The following CTSE variants were observed in gnomAD, a reference collection of about 807,000 sequenced individuals.
CTSE encodes cathepsin E.
In CTSE, 43 loss-of-function variants were observed where a neutral mutation model predicts 42.8. That is an observed-to-expected ratio of 1.01 (90% CI 0.79 to 1.30). CTSE has a LOEUF of 1.30. CTSE is among the 50% of genes most tolerant of loss of function. The pLI is 0.00. For missense variants in CTSE, 532 were observed against 493.5 expected, an observed-to-expected ratio of 1.08 and a Z score of -0.74; for synonymous variants, 205 against 191.5, an observed-to-expected ratio of 1.07 and a Z score of -0.58.
At chr1:206,016,215 CTTG>C in intron 4 of CTSE, 85 bp from the exon 5 acceptor site, 1 of 1,295,172 alleles carries the variant, frequency 7.7e-7, no homozygotes, top group South Asian at 1.2e-5. Context: ...TTTCCTCTGT[CTTG>C]AAGCTAATGC....
At chr1:206,023,080 G>C (rs1333835286) in intron 1 of CTSE, 23 bp from the exon 2 acceptor site, 7 of 1,579,964 alleles carry the variant, frequency 4.4e-6, no homozygotes, top group African/African-American at 1.4e-5. Context: ...CCCCATGTAA[G>C]CAGGAGATGT....
At position 206,010,312 on chromosome 1, in the gene CTSE, G is replaced by T. The variant is rs2102263617; in HGVS notation, c.1062C>A (p.Gly354=). The T allele has an allele frequency of 1.2e-6, 2 of 1,613,780 alleles. No homozygotes were observed. The highest frequency in any genetic ancestry group is 1.7e-6 in the Non-Finnish European group (2 of 1,179,808). ...FVDGMQFCSS[G]FQGLDIHPPA... ...GAGGGTGGATGTCAAGTCCTTGAAA[G>T]CCACTGCTGCAGAACTGCATTCCAT... is the stretch of plus-strand genomic sequence containing the variant. The change falls in exon 9 of 9, where the codon GGC becomes GGA. Residue 354 remains glycine, a synonymous_variant. Coordinates refer to ENST00000358184, the MANE Select transcript of CTSE (RefSeq NM_001910.4).
intron 7 of CTSE, 32 bp downstream of exon 7, chr1:206,012,476 C>G: frequency 6.2e-7 from 1 of 1,613,916 alleles, no homozygotes; most frequent in Non-Finnish European, 8.5e-7. Flanking sequence ...CTCTCCTGTC[C>G]CCACCACTCC....
intron 4 of CTSE, 50 bp downstream of exon 4, chr1:206,020,999 G>C: frequency 7.6e-7 from 1 of 1,323,780 alleles, no homozygotes; most frequent in Non-Finnish European, 1.1e-6. Flanking sequence ...CTCTGAATAA[G>C]TCTCCCAAGT....
rs782698478 is a variant in CTSE, at chr1:206,022,167, C to A, written c.326G>T (p.Cys109Phe). 5 of 1,607,662 alleles carry A rather than the reference C, an allele frequency of 3.1e-6. No homozygotes were observed. The Admixed American group carries it at 8.4e-5, about 27-fold the overall frequency. Residue 109 changes from cysteine to phenylalanine, a missense_variant, in exon 3 of 9, where the codon TGC becomes TTC. By Grantham distance (205) the Cys-to-Phe change is radical. Coordinates refer to ENST00000358184, the MANE Select transcript of CTSE (RefSeq NM_001910.4). Reference sequence around the variant, plus strand: ...CCACTTACTGCAGGCTGGGCTAGTGCAGTACACAGAGGGGACCCAGAGGTT... The same window carrying A: ...CCACTTACTGCAGGCTGGGCTAGTGAAGTACACAGAGGGGACCCAGAGGTT... ...SSNLWVPSVY[C>F]TSPACKTHSR...
chr1:206,010,473 AT>A, intron 8 of CTSE, 126 bp from the exon 9 acceptor site: 1 of 782,040 alleles, frequency 1.3e-6, no homozygotes, highest in Non-Finnish European at 2.2e-6. Context: ...GGGTTCCACC[AT>A]TTTGGTCGGT....
At chr1:206,013,316 CGGTCATGCCTGTCTGCT>C (rs1197330169) in intron 6 of CTSE, among the ~76,000 whole-genome samples, 1 of 152,016 alleles carries the variant, frequency 6.6e-6, no homozygotes, top group Non-Finnish European at 1.5e-5. Flanking sequence ...CAGATAGAAG[CGGTCATGCCTGTCTGCT>C]GGACCACATT....
intron 1 of CTSE, among the ~76,000 whole-genome samples, chr1:206,023,282 C>A (rs1661505873): frequency 6.6e-6 from 1 of 151,880 alleles, no homozygotes; most frequent in Non-Finnish European, 1.5e-5. Flanking sequence ...GGAAATGGCT[C>A]CCCTCCTGGA....
rs782550057 is a variant in CTSE, at chr1:206,023,081, CAGG to C, written c.69-27_69-25del. On this transcript the variant is annotated intron_variant, in intron 1 of 8. Coordinates refer to ENST00000358184, the MANE Select transcript of CTSE (RefSeq NM_001910.4). ...CCCTGGAGACAAACCCCCATGTAAG[CAGG>C]AGATGTACTTCTGCCTCCCTCTTCC... The C allele has an allele frequency of 2.5e-6, 4 of 1,594,252 alleles. No individual in the cohort carries two copies. In the Admixed American group the frequency reaches 6.7e-5, roughly 27 times the overall value.
chr1:206,012,272 G>C (rs782808903), intron 8 of CTSE, 36 bp downstream of exon 8: 2 of 1,540,636 alleles, frequency 1.3e-6, no homozygotes, highest in Non-Finnish European at 1.8e-6. Context: ...TGTGGGGAGG[G>C]CCCTGTGGCC....
intron 4 of CTSE, among the ~76,000 whole-genome samples, chr1:206,019,209 TG>T (rs1661343645): frequency 6.6e-6 from 1 of 152,084 alleles, no homozygotes; most frequent in African/African-American, 2.4e-5. Context: ...TATGCAACTG[TG>T]GGTGCTAGTT....
rs1553278590 is a variant in CTSE at position 206,022,329 on chromosome 1, C to T, written c.226-62G>A. The T allele has an allele frequency of 2.5e-6, 3 of 1,221,684 alleles. No homozygotes were observed. The African/African-American group carries it at 4.5e-5, about 18-fold the overall frequency. The allele number at this position is 1,221,684 out of a possible 1,614,324, so 75.7% of individuals were successfully genotyped here. A position where few individuals can be genotyped will look rare whatever the true frequency, so the allele number is the denominator to read the frequency against. On this transcript the variant is annotated intron_variant, in intron 2 of 8. Coordinates refer to ENST00000358184, the MANE Select transcript of CTSE (RefSeq NM_001910.4). ...GGTGGGGAGGGACAAGGGTGCTCAC[C>T]AGGAAGCCAGGGGAAAGCTCCCAGG... is the stretch of plus-strand genomic sequence containing the variant.
rs370816867 is a variant in CTSE, at chr1:206,012,561, C to T, written c.874G>A (p.Asp292Asn). 80 of 1,613,884 alleles carry T rather than the reference C, an allele frequency of 5.0e-5. No homozygotes were observed. The highest frequency in any genetic ancestry group is 1.6e-4 in the Middle Eastern group (1 of 6,084). ...GCGTTTTGCAGCTGCTTAATCTTGT[C>T]GGAAGGGCCAGTGATGAGGGAAGTC... ...TGTSLITGPS[D>N]KIKQLQNAIG... The change falls in exon 7 of 9, where the codon GAC (aspartate) becomes AAC (asparagine). Residue 292 changes from aspartate (D) to asparagine (N), a missense_variant. Asp to Asn is a conservative substitution (Grantham distance 23, BLOSUM62 1). Coordinates refer to ENST00000358184, the MANE Select transcript of CTSE (RefSeq NM_001910.4).
intron 4 of CTSE, among the ~76,000 whole-genome samples, chr1:206,018,142 ACTC>A (rs1298478307): frequency 6.6e-6 from 1 of 151,810 alleles, no homozygotes; most frequent in East Asian, 1.9e-4. Context: ...GTTACTTTCT[ACTC>A]CTAGTTTGCT....
chr1:206,010,276 G>A lies in CTSE; in HGVS notation c.1098C>T (p.Pro366=). 3 of 1,613,810 alleles carry A rather than the reference G, an allele frequency of 1.9e-6. No individual in the cohort carries two copies. The highest frequency in any genetic ancestry group is 2.5e-6 in the Non-Finnish European group (3 of 1,179,812). The change falls in exon 9 of 9, where the codon CCC becomes CCT. Residue 366 remains proline, a synonymous_variant. Coordinates refer to ENST00000358184, the MANE Select transcript of CTSE (RefSeq NM_001910.4). Reference sequence around the variant, plus strand: ...TGAAGACATCCCCCAGGATCCAGAGGGGCCCAGCTGGAGGGTGGATGTCAA... The same window carrying A: ...TGAAGACATCCCCCAGGATCCAGAGAGGCCCAGCTGGAGGGTGGATGTCAA... ...QGLDIHPPAG[P]LWILGDVFIR...
At chr1:206,021,230 T>C in intron 3 of CTSE, 63 bp from the exon 4 acceptor site, 2 of 1,300,294 alleles carry the variant, frequency 1.5e-6, no homozygotes, top group Non-Finnish European at 1.1e-6. Flanking sequence ...CCTGCCCTAA[T>C]GCCACCCAGC....
At chr1:206,013,945 AG>A in intron 5 of CTSE, 51 bp from the exon 6 acceptor site, 1 of 1,602,484 alleles carries the variant, frequency 6.2e-7, no homozygotes, top group Non-Finnish European at 8.5e-7. Context: ...GCAAAACTCT[AG>A]GGGTGAGCCT....
At chr1:206,013,931 CA>C in intron 5 of CTSE, 37 bp from the exon 6 acceptor site, 1 of 1,609,962 alleles carries the variant, frequency 6.2e-7, no homozygotes, top group Non-Finnish European at 8.5e-7. Context: ...CAGGAAGGGC[CA>C]CTGCAAAACT....
Position 206,013,817 on chromosome 1 carries a change from C to G in CTSE, c.740G>C (p.Trp247Ser), listed in dbSNP as rs782141246. Residue 247 changes from tryptophan (W) to serine (S), a missense_variant, in exon 6 of 9, where the codon TGG becomes TCG. Trp to Ser is a radical substitution (Grantham distance 177). Transcript: ENST00000358184. ...DHSHFSGSLN[W>S]VPVTKQAYWQ... ...GTAAGCTTGCTTGGTGACTGGGACC[C>G]AATTCAGGCTCCCAGAGAAATGGGA... is the stretch of plus-strand genomic sequence containing the variant. 1 of 1,613,814 alleles carries G rather than the reference C, an allele frequency of 6.2e-7. No individual in the cohort carries two copies. The highest frequency in any genetic ancestry group is 8.5e-7 in the Non-Finnish European group (1 of 1,179,834).
Sources: allele counts gnomAD v4.1 joint callset (sites outside exome capture counted in the v4.1 genomes callset), GRCh38; gene constraint gnomAD v4.1.1; transcripts MANE v1.5; gene names NCBI Gene and HGNC (gene_info 2026-07-23, HGNC 2026-07-21).